Variants in DHX35 observed in about 807,000 individuals in gnomAD.
DHX35 encodes the protein DEAH-box helicase 35.
In DHX35, 84 loss-of-function variants were observed where a neutral mutation model predicts 99.6. The ratio of observed to expected loss-of-function variants is 0.84; its 90% CI spans 0.71 to 1.01. The LOEUF (loss-of-function observed/expected upper bound fraction) is 1.01. Among genes scored for constraint, DHX35 ranks in the 50% least tolerant of loss-of-function variants. The pLI, the probability that DHX35 is intolerant of heterozygous loss-of-function variation, is 0.00. For missense variants in DHX35, 852 were observed against 888.5 expected, an observed-to-expected ratio of 0.96 and a Z score of 0.52; for synonymous variants, 331 against 316.2, an observed-to-expected ratio of 1.05 and a Z score of -0.50.
intron 14 of DHX35, among the ~76,000 whole-genome samples, chr20:39,016,263 C>T (rs955763500): frequency 2.0e-5 from 3 of 152,128 alleles, no homozygotes; most frequent in African/African-American, 7.2e-5. Context: ...CCATTACTCA[C>T]CCTGGGTAAG....
At chr20:38,994,138 A>G (rs1235516834) in intron 7 of DHX35, among the ~76,000 whole-genome samples, 2 of 152,182 alleles carry the variant, frequency 1.3e-5, no homozygotes, top group African/African-American at 4.8e-5. Context: ...CCAAAGATTT[A>G]GATTTTTTGA....
rs768928165 is a variant in DHX35 at position 39,025,299 on chromosome 20, G to A, written c.1741G>A (p.Val581Ile). ...CAAGGGTCTTGTCAGAGCTGCGACT[G>A]TAAGAGAACAATTGAAAAAGCTTCT... ...NYKGLVRAAT[V>I]REQLKKLLVK... Residue 581 changes from valine (V) to isoleucine (I), a missense_variant, in exon 18 of 22, where the codon GTA becomes ATA. Physicochemically the swap from Val to Ile is conservative, Grantham distance 29. Coordinates refer to ENST00000252011, the MANE Select transcript of DHX35 (RefSeq NM_021931.4). The A allele has an allele frequency of 1.9e-6, 3 of 1,613,790 alleles. No homozygotes were observed. The highest frequency in any genetic ancestry group is 2.2e-5 in the South Asian group (2 of 90,990).
intron 14 of DHX35, among the ~76,000 whole-genome samples, chr20:39,015,180 C>A (rs2086765112): frequency 6.6e-6 from 1 of 152,138 alleles, no homozygotes; most frequent in Admixed American, 6.5e-5. Context: ...GTAAGAATCA[C>A]CAGGGCTACA....
At chr20:39,016,132 C>G (rs557889401) in intron 14 of DHX35, among the ~76,000 whole-genome samples, 1 of 152,298 alleles carries the variant, frequency 6.6e-6, no homozygotes, top group African/African-American at 2.4e-5. Flanking sequence ...CCTGCTTCCA[C>G]TCAAGGTGGA....
intron 11 of DHX35, among the ~76,000 whole-genome samples, chr20:39,005,403 C>T (rs1600408661): frequency 6.6e-6 from 1 of 152,298 alleles, no homozygotes; most frequent in East Asian, 1.9e-4. Flanking sequence ...TCTTGGATCT[C>T]TATAGGGTTG....
At chr20:39,037,164 C>T (rs757402323) in intron 21 of DHX35, among the ~76,000 whole-genome samples, 10 of 152,204 alleles carry the variant, frequency 6.6e-5, no homozygotes, top group Non-Finnish European at 1.5e-4. Context: ...CTCCCATCCC[C>T]AAGCTAAGGC....
intron 20 of DHX35, among the ~76,000 whole-genome samples, chr20:39,031,415 C>T (rs1417730001): frequency 2.0e-5 from 3 of 151,250 alleles, no homozygotes; most frequent in Non-Finnish European, 2.9e-5. Context: ...TGGCTCACTG[C>T]AACCTCTGCC....
chr20:38,993,604 A>T (rs1028855772), intron 7 of DHX35, among the ~76,000 whole-genome samples: 25 of 151,848 alleles, frequency 1.6e-4, no homozygotes, highest in African/African-American at 5.3e-4. Flanking sequence ...ACCTCAGGTG[A>T]TCTGCCTGCC....
intron 2 of DHX35, among the ~76,000 whole-genome samples, chr20:38,972,290 C>T (rs2086013830): frequency 1.3e-5 from 2 of 151,992 alleles, no homozygotes; most frequent in South Asian, 2.1e-4. Context: ...GGATTGCAGG[C>T]GTGAGCCACC....
chr20:38,984,996 C>T (rs893231442), intron 4 of DHX35, among the ~76,000 whole-genome samples: 3 of 152,066 alleles, frequency 2.0e-5, no homozygotes, highest in Non-Finnish European at 4.4e-5. Flanking sequence ...ACTTTGCTCA[C>T]TGCCTTTTGG....
At chr20:38,984,240 G>A (rs768039081) in intron 4 of DHX35, among the ~76,000 whole-genome samples, 56 of 152,072 alleles carry the variant, frequency 3.7e-4, no homozygotes, top group Non-Finnish European at 6.6e-4. Flanking sequence ...ATTATGATTT[G>A]AATATTTTTG....
chr20:39,004,084 A>T (rs527525846), intron 11 of DHX35, among the ~76,000 whole-genome samples, 177 bp downstream of exon 11: 8 of 151,760 alleles, frequency 5.3e-5, no homozygotes, highest in African/African-American at 1.9e-4. Flanking sequence ...TTTTTTTGAG[A>T]TGGAGTCTCG....
chr20:39,002,697 C>T (rs2086540781), intron 9 of DHX35, 75 bp from the exon 10 acceptor site: 1 of 1,347,440 alleles, frequency 7.4e-7, no homozygotes, highest in Non-Finnish European at 1.0e-6. Flanking sequence ...AGCTTTGCTG[C>T]CAGATTATTA....
chr20:39,011,003 A>G (rs1207081938), intron 13 of DHX35, among the ~76,000 whole-genome samples: 1 of 152,140 alleles, frequency 6.6e-6, no homozygotes, highest in East Asian at 1.9e-4. Flanking sequence ...CCATTGTGCC[A>G]TGTTATCTTC....
intron 20 of DHX35, among the ~76,000 whole-genome samples, chr20:39,032,192 CTG>C (rs533948887): frequency 2.0e-5 from 3 of 152,280 alleles, no homozygotes; most frequent in East Asian, 1.9e-4. Flanking sequence ...GTGTCTCACT[CTG>C]TGTTTTTGAG....
chr20:39,001,521 GAC>G (rs1201877077), intron 8 of DHX35, among the ~76,000 whole-genome samples: 1 of 152,116 alleles, frequency 6.6e-6, no homozygotes, highest in Non-Finnish European at 1.5e-5. Flanking sequence ...CTTTAGTAAA[GAC>G]ACTGTCATTG....
chr20:38,981,441 C>T (rs2086170688), intron 3 of DHX35, among the ~76,000 whole-genome samples: 2 of 152,106 alleles, frequency 1.3e-5, no homozygotes, highest in Admixed American at 6.5e-5. Context: ...TGTGTTAAAG[C>T]CCAATACTGT....
At chr20:38,965,923 G>A (rs1023383801) in intron 1 of DHX35, among the ~76,000 whole-genome samples, 2 of 152,144 alleles carry the variant, frequency 1.3e-5, no homozygotes, top group Non-Finnish European at 2.9e-5. Context: ...TTTACAATAG[G>A]TTTTAAGCTT....
At position 39,006,302 on chromosome 20, in the gene DHX35, C is replaced by T. The variant is rs1302201357; in HGVS notation, c.1168C>T (p.Arg390Ter). The T allele has an allele frequency of 5.6e-6, 9 of 1,613,978 alleles. No individual in the cohort carries two copies. Among genetic ancestry groups the T allele is most frequent in the East Asian group, 4.5e-5 (2 of 44,880 alleles). ...VPVSQASANQ[R>*]AGRGGRSRSG... is the part of the protein sequence containing the mutation. The stretch of plus-strand genomic sequence containing the variant: ...AGTCTCCCAGGCATCAGCTAATCAG[C>T]GAGCAGGACGTGGTGGTCGTAGTCG... Residue 390 changes from arginine to a stop codon, truncating the protein, a stop_gained, in exon 12 of 22, where the codon CGA becomes TGA. Transcript: ENST00000252011. LOFTEE classifies it high-confidence loss of function.
Sources: gnomAD v4.1 joint callset for allele counts (sites outside exome capture counted in the v4.1 genomes callset) on GRCh38, gnomAD v4.1.1 for gene constraint, MANE v1.5 for transcripts, NCBI Gene and HGNC (gene_info 2026-07-23, HGNC 2026-07-21) for gene names.